The following LINGO2 variants were observed in gnomAD, a reference collection of about 807,000 sequenced individuals.
LINGO2 encodes the protein leucine-rich repeat and immunoglobulin-like domain-containing nogo receptor-interacting protein 2.
LINGO2 carries 14 observed loss-of-function variants against 30.6 expected under a neutral mutation model. That is an observed-to-expected ratio of 0.46 (90% CI 0.30 to 0.72). The LOEUF is 0.72. LINGO2 is among the 30% of genes least tolerant of loss of function. The pLI, the probability that LINGO2 is intolerant of heterozygous loss-of-function variation, is 0.07. For missense variants in LINGO2, 729 were observed against 751.7 expected, an observed-to-expected ratio of 0.97 and a Z score of 0.35; for synonymous variants, 317 against 288.5, an observed-to-expected ratio of 1.10 and a Z score of -1.00.
chr9:28,298,478 A>G (rs1471466897), intron 3 of LINGO2, among the ~76,000 whole-genome samples: 3 of 150,004 alleles, frequency 2.0e-5, no homozygotes, highest in Non-Finnish European at 4.4e-5. Context: ...CCTGCCCAAC[A>G]TGGTGAAATC....
At chr9:28,096,072 T>G (rs1307524473) in intron 4 of LINGO2, among the ~76,000 whole-genome samples, 1 of 152,078 alleles carries the variant, frequency 6.6e-6, no homozygotes, top group Non-Finnish European at 1.5e-5. Context: ...GCCCAGAGGT[T>G]CAAGGCTGTA....
intron 5 of LINGO2, among the ~76,000 whole-genome samples, chr9:28,008,823 A>C (rs1392809722): frequency 6.6e-6 from 1 of 151,928 alleles, no homozygotes; most frequent in East Asian, 1.9e-4. Context: ...TAATACTGTT[A>C]AGATGACAGT....
the LINGO2 span, among the ~76,000 whole-genome samples, chr9:28,992,210 G>A: frequency 2.0e-5 from 3 of 151,812 alleles, no homozygotes; most frequent in Non-Finnish European, 2.9e-5. Context: ...GGCAGGGGTT[G>A]CAATCCTAGT....
At chr9:29,146,778 C>A in the LINGO2 span, among the ~76,000 whole-genome samples, 7 of 151,952 alleles carry the variant, frequency 4.6e-5, no homozygotes, top group African/African-American at 7.3e-5. Context: ...TAACTCTGAA[C>A]CAAAGACAAA....
the LINGO2 span, among the ~76,000 whole-genome samples, chr9:28,969,825 C>T: frequency 1.3e-5 from 2 of 152,122 alleles, no homozygotes; most frequent in African/African-American, 4.8e-5. Context: ...TGAAATGAAG[C>T]AGACAGTAGC....
At chr9:28,023,659 G>A (rs1014092476) in intron 4 of LINGO2, among the ~76,000 whole-genome samples, 1 of 152,160 alleles carries the variant, frequency 6.6e-6, no homozygotes. Flanking sequence ...TCTCCTGGCA[G>A]GACAAAGCCT....
the LINGO2 span, among the ~76,000 whole-genome samples, chr9:28,978,736 T>G: frequency 1.3e-5 from 2 of 151,806 alleles, no homozygotes; most frequent in African/African-American, 4.9e-5. Context: ...GCATTACAAC[T>G]GAGTCTTAGA....
chr9:28,570,469 T>C (rs1823631550), intron 1 of LINGO2, among the ~76,000 whole-genome samples: 1 of 152,058 alleles, frequency 6.6e-6, no homozygotes, highest in African/African-American at 2.4e-5. Flanking sequence ...TATCTGTCTA[T>C]GCGATAAAAA....
At chr9:28,726,205 G>C in the LINGO2 span, among the ~76,000 whole-genome samples, 2 of 152,044 alleles carry the variant, frequency 1.3e-5, no homozygotes, top group Admixed American at 6.6e-5. Flanking sequence ...CTCTATGTGT[G>C]AGTCAATTTG....
At chr9:28,402,571 T>C in intron 2 of LINGO2, among the ~76,000 whole-genome samples, 1 of 151,772 alleles carries the variant, frequency 6.6e-6, no homozygotes, top group Non-Finnish European at 1.5e-5. Flanking sequence ...CTCCCTTCCT[T>C]CTTCCCTCTC....
intron 3 of LINGO2, among the ~76,000 whole-genome samples, chr9:28,337,563 C>T (rs1051611171): frequency 6.6e-6 from 1 of 152,184 alleles, no homozygotes; most frequent in African/African-American, 2.4e-5. Context: ...TCTCCCATAA[C>T]AGGCCTGAAG....
the LINGO2 span, among the ~76,000 whole-genome samples, chr9:28,731,801 T>C: frequency 3.8e-4 from 58 of 152,150 alleles, no homozygotes; most frequent in African/African-American, 8.0e-4. Context: ...AAATATCCTG[T>C]GATACTGTAC....
the LINGO2 span, among the ~76,000 whole-genome samples, chr9:28,743,959 TATTCCCC>T: frequency 6.6e-6 from 1 of 151,690 alleles, no homozygotes; most frequent in Non-Finnish European, 1.5e-5. Context: ...TGTACTTAAA[TATTCCCC>T]ATTTCTCTAC....
At chr9:28,420,380 ATATAGTTTTTAATTT>A (rs1170924007) in intron 2 of LINGO2, among the ~76,000 whole-genome samples, 23 of 152,192 alleles carry the variant, frequency 1.5e-4, no homozygotes, top group African/African-American at 5.3e-4. Context: ...CTTCATGGTT[ATATAGTTTTTAATTT>A]AAACTTGCTG....
intron 1 of LINGO2, among the ~76,000 whole-genome samples, chr9:28,634,489 T>TTTC (rs200307826): frequency 0.069 from 10,028 of 145,264 alleles, 517 homozygotes; most frequent in Admixed American, 0.18. Flanking sequence ...TTTTTTCTTT[T>TTTC]TTTTTTTTTT....
intron 4 of LINGO2, among the ~76,000 whole-genome samples, chr9:28,054,188 G>A (rs926941769): frequency 3.9e-5 from 6 of 152,182 alleles, no homozygotes; most frequent in Admixed American, 1.3e-4. Flanking sequence ...AAGGCATTAG[G>A]AGAAATCTTA....
chr9:29,050,951 T>A, the LINGO2 span, among the ~76,000 whole-genome samples: 1 of 152,172 alleles, frequency 6.6e-6, no homozygotes, highest in Admixed American at 6.5e-5. Context: ...CCTTTTAATA[T>A]TTGTGCCTCA....
chr9:29,188,161 T>C, the LINGO2 span, among the ~76,000 whole-genome samples: 3 of 151,350 alleles, frequency 2.0e-5, no homozygotes, highest in African/African-American at 7.3e-5. Context: ...CAGAGGACCC[T>C]GCGGCCTTCC....
At chr9:28,418,723 A>G (rs1032512487) in intron 2 of LINGO2, among the ~76,000 whole-genome samples, 1 of 152,160 alleles carries the variant, frequency 6.6e-6, no homozygotes, top group Non-Finnish European at 1.5e-5. Context: ...AATAAATGCA[A>G]ATGATCAGAG....
Sources: gnomAD v4.1 joint callset for allele counts (sites outside exome capture counted in the v4.1 genomes callset) on GRCh38, gnomAD v4.1.1 for gene constraint, MANE v1.5 for transcripts, NCBI Gene and HGNC (gene_info 2026-07-23, HGNC 2026-07-21) for gene names.